TSHZ2: variants seen among roughly 807,000 people sequenced by gnomAD.
TSHZ2 encodes teashirt homolog 2.
TSHZ2 carries 21 observed loss-of-function variants against 74.4 expected under a neutral mutation model. The ratio of observed to expected loss-of-function variants is 0.28; its 90% CI spans 0.20 to 0.41. The LOEUF is 0.41. Among genes scored for constraint, TSHZ2 ranks in the 10% least tolerant of loss-of-function variants. The probability of loss-of-function intolerance (pLI) is 1.00; values close to 1 mark genes in which losing one functional copy is unlikely to be tolerated. For missense variants in TSHZ2, 1,244 were observed against 1,293.5 expected, an observed-to-expected ratio of 0.96 and a Z score of 0.59; for synonymous variants, 540 against 515.3, an observed-to-expected ratio of 1.05 and a Z score of -0.65.
chr20:53,436,199 G>A (rs1984058793), intron 2 of TSHZ2, among the ~76,000 whole-genome samples: 1 of 152,208 alleles, frequency 6.6e-6, no homozygotes, highest in African/African-American at 2.4e-5. Flanking sequence ...GTGACTCAAA[G>A]AGCAAGCTAT....
At chr20:53,158,712 G>A (rs962804912) in intron 1 of TSHZ2, among the ~76,000 whole-genome samples, 3 of 151,920 alleles carry the variant, frequency 2.0e-5, no homozygotes, top group South Asian at 2.1e-4. Context: ...TGATAATGTC[G>A]TGGCCCTCAA....
At chr20:53,053,700 CT>C (rs1174774748) in intron 1 of TSHZ2, among the ~76,000 whole-genome samples, 2 of 152,152 alleles carry the variant, frequency 1.3e-5, no homozygotes, top group Non-Finnish European at 2.9e-5. Context: ...TTAAAAGACT[CT>C]TTGGAAATAG....
intron 1 of TSHZ2, among the ~76,000 whole-genome samples, chr20:53,211,904 G>C (rs1298908568): frequency 6.6e-6 from 1 of 151,954 alleles, no homozygotes; most frequent in Admixed American, 6.6e-5. Context: ...CTCCCTCTTT[G>C]GAGTCCCTGG....
chr20:53,468,674 C>A, intron 2 of TSHZ2, among the ~76,000 whole-genome samples: 2 of 112,102 alleles, frequency 1.8e-5, no homozygotes, highest in Admixed American at 1.3e-4. Flanking sequence ...GATTCTCTGG[C>A]ATCCATTACG....
chr20:53,416,836 C>T (rs1015120677), intron 2 of TSHZ2, among the ~76,000 whole-genome samples: 4 of 152,250 alleles, frequency 2.6e-5, no homozygotes, highest in African/African-American at 4.8e-5. Context: ...CCTTGGATTG[C>T]ATCCCCAAAT....
chr20:53,403,489 T>A (rs1309635832), intron 2 of TSHZ2, among the ~76,000 whole-genome samples: 1 of 152,198 alleles, frequency 6.6e-6, no homozygotes, highest in African/African-American at 2.4e-5. Context: ...ATAATTTGAA[T>A]TAAACTAAGA....
chr20:53,177,750 T>C (rs920164410), intron 1 of TSHZ2, among the ~76,000 whole-genome samples: 1 of 152,224 alleles, frequency 6.6e-6, no homozygotes, highest in Admixed American at 6.5e-5. Flanking sequence ...AATCTGGTCA[T>C]GGACCCACAC....
At chr20:53,385,630 GT>G (rs776985548) in intron 2 of TSHZ2, among the ~76,000 whole-genome samples, 2 of 152,098 alleles carry the variant, frequency 1.3e-5, no homozygotes, top group Non-Finnish European at 2.9e-5. Context: ...TGTTTTTAAG[GT>G]CGCTGTTAGG....
At chr20:53,409,834 CTTTTTTTTTTTTTTTTTTTT>C (rs71194475) in intron 2 of TSHZ2, among the ~76,000 whole-genome samples, 14 of 49,336 alleles carry the variant, frequency 2.8e-4, no homozygotes, top group African/African-American at 1.2e-3. Flanking sequence ...GTTTTCTTTT[CTTTTTTTTTTTTTTTTTTTT>C]TTTTTTTTTT....
At chr20:53,078,528 T>C (rs1352701401) in intron 1 of TSHZ2, among the ~76,000 whole-genome samples, 1 of 152,188 alleles carries the variant, frequency 6.6e-6, no homozygotes, top group East Asian at 1.9e-4. Flanking sequence ...TCTTTGAGCA[T>C]GGAGGAATTA....
In TSHZ2 at chr20:53,254,321, A is replaced by G; in HGVS notation, c.863A>G (p.Gln288Arg). The change falls in exon 2 of 3, where the codon CAA (glutamine) becomes CGA (arginine). Residue 288 changes from glutamine (Q) to arginine (R), a missense_variant. By Grantham distance (43) the Gln-to-Arg change is conservative. Transcript: ENST00000371497. The stretch of plus-strand genomic sequence containing the variant: ...TGTGGCGACTCCTTTGATTCCCTCC[A>G]AGATTTGAGCGTCCACATGATTAAA... The part of the protein sequence containing the change: ...MFCGDSFDSL[Q>R]DLSVHMIKTK... 6.2e-7 allele frequency: 1 copy of G among 1,614,186 alleles called. No individual in the cohort carries two copies. The highest frequency in any genetic ancestry group is 8.5e-7 in the Non-Finnish European group (1 of 1,180,026).
At chr20:53,302,153 T>C (rs552600121) in intron 2 of TSHZ2, among the ~76,000 whole-genome samples, 4 of 152,278 alleles carry the variant, frequency 2.6e-5, no homozygotes, top group South Asian at 2.1e-4. Context: ...TTCCGCTTGA[T>C]ATGAGTGAGG....
chr20:53,408,430 A>C (rs377755727), intron 2 of TSHZ2, among the ~76,000 whole-genome samples: 2 of 152,362 alleles, frequency 1.3e-5, no homozygotes. Context: ...ATCATTACTT[A>C]CTAGCAAAAT....
chr20:53,074,546 C>T lies in TSHZ2; in HGVS notation c.40+101213C>T, dbSNP rs1985308095. On this transcript the variant is annotated intron_variant, in intron 1 of 2. Transcript: ENST00000371497. The surrounding 1 kb of genome is among the most constrained non-coding windows in gnomAD (Gnocchi z 5.9). Reference sequence around the variant, plus strand: ...GATTGTTGGAAAGTTCAAGTATACACAGACTAAACAGCTGGACAAAACTTG... The same window carrying T: ...GATTGTTGGAAAGTTCAAGTATACATAGACTAAACAGCTGGACAAAACTTG... Among the ~76,000 whole-genome samples the T allele has an allele frequency of 6.6e-6, 1 of 152,066 alleles. No individual in the cohort carries two copies. Among genetic ancestry groups the T allele is most frequent in the South Asian group, 2.1e-4 (1 of 4,826 alleles).
chr20:53,301,393 C>T (rs1991474127), intron 2 of TSHZ2, among the ~76,000 whole-genome samples: 1 of 152,174 alleles, frequency 6.6e-6, no homozygotes, highest in Non-Finnish European at 1.5e-5. Flanking sequence ...TGACCTCAGA[C>T]AGGCCATTTA....
At chr20:53,236,090 T>C (rs1488242847) in intron 1 of TSHZ2, among the ~76,000 whole-genome samples, 1 of 152,230 alleles carries the variant, frequency 6.6e-6, no homozygotes, top group Non-Finnish European at 1.5e-5. Flanking sequence ...TCAATCCTCT[T>C]AGCTCAGGTT....
intron 2 of TSHZ2, among the ~76,000 whole-genome samples, chr20:53,267,306 A>C (rs1990741221): frequency 6.6e-6 from 1 of 152,326 alleles, no homozygotes; most frequent in South Asian, 2.1e-4. Context: ...GCCAGTAAGA[A>C]GAGGGACAAG....
At chr20:53,307,251 A>T (rs1038445959) in intron 2 of TSHZ2, among the ~76,000 whole-genome samples, 33 of 151,998 alleles carry the variant, frequency 2.2e-4, no homozygotes, top group Non-Finnish European at 4.4e-4. Flanking sequence ...AACACTGACC[A>T]CTTCCCTTCC....
At chr20:53,037,392 GCGA>G in intron 1 of TSHZ2, among the ~76,000 whole-genome samples, 1 of 152,294 alleles carries the variant, frequency 6.6e-6, no homozygotes, top group South Asian at 2.1e-4. Context: ...GTTTTCTCCT[GCGA>G]CTTAAAAGAC....
Sources: gnomAD v4.1 joint callset for allele counts (sites outside exome capture counted in the v4.1 genomes callset) on GRCh38, gnomAD v4.1.1 for gene constraint, Gnocchi (gnomAD v3.1) non-coding constraint, MANE v1.5 for transcripts, NCBI Gene and HGNC (gene_info 2026-07-23, HGNC 2026-07-21) for gene names.